TMEM163: variants seen among roughly 807,000 people sequenced by gnomAD.
TMEM163 encodes the protein transmembrane protein 163.
A neutral mutation model predicts 29.3 loss-of-function variants in TMEM163; 17 were observed. The observed-to-expected ratio is 0.58, with a 90% CI of 0.40 to 0.87. The LOEUF (loss-of-function observed/expected upper bound fraction) is 0.87, where lower values mean the gene tolerates loss of function less well. Among genes scored for constraint, TMEM163 ranks in the 40% least tolerant of loss-of-function variants. The probability of loss-of-function intolerance (pLI) is 0.00; values close to 1 mark genes in which losing one functional copy is unlikely to be tolerated. For missense variants in TMEM163, 303 were observed against 381.5 expected (o/e 0.79, Z 1.71); for synonymous variants, 157 against 160.6 (o/e 0.98, Z 0.17).
At chr2:134,566,869 T>TA (rs954626954) in intron 2 of TMEM163, among the ~76,000 whole-genome samples, 1 of 152,178 alleles carries the variant, frequency 6.6e-6, no homozygotes, top group African/African-American at 2.4e-5. Context: ...TACCATAAGA[T>TA]ATCATTAAGC....
At chr2:134,658,162 A>G (rs72970181) in intron 2 of TMEM163, among the ~76,000 whole-genome samples, 22,763 of 152,186 alleles carry the variant, frequency 0.15, 2,517 homozygotes, top group African/African-American at 0.31. Flanking sequence ...GAAACCTCCT[A>G]CTATGCATAG....
intron 4 of TMEM163, among the ~76,000 whole-genome samples, chr2:134,534,971 C>T (rs1279953900): frequency 2.0e-5 from 3 of 152,030 alleles, no homozygotes; most frequent in Admixed American, 6.6e-5. Flanking sequence ...ATACAGGGGC[C>T]TGAATGTCTC....
intron 2 of TMEM163, among the ~76,000 whole-genome samples, chr2:134,599,446 C>T (rs1682173771): frequency 6.6e-6 from 1 of 152,082 alleles, no homozygotes; most frequent in Admixed American, 6.5e-5. Context: ...AGAGGTCTCT[C>T]ATGCTCACTT....
intron 2 of TMEM163, among the ~76,000 whole-genome samples, chr2:134,696,526 A>T (rs1029041541): frequency 1.3e-5 from 2 of 152,208 alleles, no homozygotes; most frequent in Non-Finnish European, 2.9e-5. Flanking sequence ...CCCAGCTCTG[A>T]ACATGAGATT....
At chr2:134,480,065 C>G (rs1479908033) in intron 5 of TMEM163, among the ~76,000 whole-genome samples, 2 of 152,208 alleles carry the variant, frequency 1.3e-5, no homozygotes, top group African/African-American at 4.8e-5. Flanking sequence ...CGCAGTCTTG[C>G]AAATTGGTAG....
At chr2:134,491,268 G>A (rs1416507271) in intron 5 of TMEM163, among the ~76,000 whole-genome samples, 5 of 152,166 alleles carry the variant, frequency 3.3e-5, no homozygotes, top group African/African-American at 4.8e-5. Flanking sequence ...CTGGAGAGAT[G>A]AGCGTGTCTC....
rs539636227 is a variant in TMEM163 at position 134,459,138 on chromosome 2, G to C, written c.668-965C>G. 2.6e-5 allele frequency: 4 copies of C among 152,410 alleles called. No homozygotes were observed. The East Asian group carries it at 7.7e-4, about 29-fold the overall frequency. 9.4% of individuals were successfully genotyped at this position (152,410 alleles called of 1,614,324 possible). On this transcript the variant is annotated intron_variant, in intron 6 of 7. Coordinates refer to ENST00000281924, the MANE Select transcript of TMEM163 (RefSeq NM_030923.5). Reference sequence around the variant, plus strand: ...CCAAGGAGGCCCTGCTGGTAGGTTTGTGCAGGCCCGTAACCTCCCACGCCA... The same window carrying C: ...CCAAGGAGGCCCTGCTGGTAGGTTTCTGCAGGCCCGTAACCTCCCACGCCA...
chr2:134,507,659 C>T (rs615163), intron 4 of TMEM163, among the ~76,000 whole-genome samples: 60,316 of 151,910 alleles, frequency 0.4, 12,173 homozygotes, highest in South Asian at 0.59. Flanking sequence ...GGCCAGGAGT[C>T]TGAGACCAGC....
At chr2:134,662,712 C>G (rs140308186) in intron 2 of TMEM163, among the ~76,000 whole-genome samples, 101 of 152,296 alleles carry the variant, frequency 6.6e-4, no homozygotes, top group Admixed American at 2.0e-3. Flanking sequence ...GACCTGAAAT[C>G]CACCAGTGCT....
intron 2 of TMEM163, among the ~76,000 whole-genome samples, chr2:134,699,574 T>C (rs1437893897): frequency 1.3e-5 from 2 of 152,190 alleles, no homozygotes; most frequent in Non-Finnish European, 2.9e-5. Context: ...TATTCTGATA[T>C]ATTCTACATC....
chr2:134,474,003 T>G (rs970193793), intron 5 of TMEM163, among the ~76,000 whole-genome samples: 1 of 152,024 alleles, frequency 6.6e-6, no homozygotes, highest in African/African-American at 2.4e-5. Flanking sequence ...GAAGAAACAC[T>G]TCCCAATTTA....
intron 3 of TMEM163, among the ~76,000 whole-genome samples, chr2:134,551,637 A>G (rs888744675): frequency 2.6e-5 from 4 of 152,296 alleles, no homozygotes; most frequent in East Asian, 3.9e-4. Flanking sequence ...GCCAGCTGGG[A>G]AGCCAGGTTA....
intron 4 of TMEM163, 66 bp from the exon 5 acceptor site, chr2:134,503,063 T>A: frequency 6.9e-7 from 1 of 1,443,506 alleles, no homozygotes; most frequent in Non-Finnish European, 9.5e-7. Flanking sequence ...GTCCACACAA[T>A]TGACAGTGAC....
intron 4 of TMEM163, among the ~76,000 whole-genome samples, chr2:134,539,329 A>G (rs144292139): frequency 0.019 from 2,879 of 152,316 alleles, 51 homozygotes; most frequent in Non-Finnish European, 0.03. Context: ...CCAGAATTCC[A>G]TTCGATGCAA....
At chr2:134,519,545 A>C (rs1228918288) in intron 4 of TMEM163, among the ~76,000 whole-genome samples, 1 of 151,986 alleles carries the variant, frequency 6.6e-6, no homozygotes, top group Admixed American at 6.6e-5. Context: ...CCCCGTCTCT[A>C]CCAAAAATAC....
chr2:134,568,651 AAAAAG>A (rs1278433104), intron 2 of TMEM163, among the ~76,000 whole-genome samples: 1 of 151,724 alleles, frequency 6.6e-6, no homozygotes, highest in Non-Finnish European at 1.5e-5. Flanking sequence ...GAAAAGGAGA[AAAAAG>A]AAGGAAGGAA....
intron 2 of TMEM163, among the ~76,000 whole-genome samples, chr2:134,627,844 T>A (rs1682887139): frequency 6.6e-6 from 1 of 152,192 alleles, no homozygotes; most frequent in African/African-American, 2.4e-5. Context: ...AGAAACCAAT[T>A]GTCCCAATAC....
intron 2 of TMEM163, among the ~76,000 whole-genome samples, chr2:134,644,823 A>T (rs796300980): frequency 2.6e-5 from 4 of 152,328 alleles, no homozygotes; most frequent in African/African-American, 9.6e-5. Flanking sequence ...AAGAGAATGA[A>T]AAAAACAAGC....
chr2:134,596,863 C>G (rs1682096855), intron 2 of TMEM163, among the ~76,000 whole-genome samples: 1 of 152,120 alleles, frequency 6.6e-6, no homozygotes, highest in Non-Finnish European at 1.5e-5. Flanking sequence ...GTATTTTATT[C>G]TCTTTGAAGC....
Sources: allele counts gnomAD v4.1 joint callset (sites outside exome capture counted in the v4.1 genomes callset), GRCh38; gene constraint gnomAD v4.1.1; transcripts MANE v1.5; gene names NCBI Gene and HGNC (gene_info 2026-07-23, HGNC 2026-07-21).